EBF3: variants seen among roughly 807,000 people sequenced by gnomAD.
The protein encoded by EBF3 is EBF transcription factor 3.
A neutral mutation model predicts 77.1 loss-of-function variants in EBF3; 18 were observed. That is an observed-to-expected ratio of 0.23 (90% CI 0.16 to 0.35). The LOEUF is 0.35. EBF3 is among the 10% of genes least tolerant of loss of function. The pLI is 1.00. For synonymous variants in EBF3, 350 were observed against 343.5 expected (o/e 1.02, Z -0.21); for missense variants, 558 against 860.0 (o/e 0.65, Z 4.39).
intron 6 of EBF3, among the ~76,000 whole-genome samples, chr10:129,911,952 C>T (rs1363451253): frequency 2.0e-5 from 3 of 152,168 alleles, no homozygotes; most frequent in Admixed American, 6.5e-5. Flanking sequence ...CCCAGAGCAA[C>T]GCACGGCCCA....
intron 11 of EBF3, among the ~76,000 whole-genome samples, chr10:129,846,954 C>T (rs1332787667): frequency 3.9e-5 from 6 of 152,072 alleles, no homozygotes; most frequent in Admixed American, 3.9e-4. Context: ...GGCTGGTAGG[C>T]TTCCCAGGGG....
At chr10:129,921,135 C>A (rs1856269569) in intron 6 of EBF3, among the ~76,000 whole-genome samples, 1 of 152,148 alleles carries the variant, frequency 6.6e-6, no homozygotes, top group Non-Finnish European at 1.5e-5. Flanking sequence ...TGAGCGGGAA[C>A]CAACTGGGAA....
intron 6 of EBF3, among the ~76,000 whole-genome samples, chr10:129,951,490 G>A (rs1192306471): frequency 1.3e-5 from 2 of 152,376 alleles, no homozygotes; most frequent in African/African-American, 2.4e-5. Flanking sequence ...GCAACACCAC[G>A]AGGTTTTCAC....
chr10:129,963,023 T>A lies in EBF3; in HGVS notation c.292-18A>T, dbSNP rs1311497146. On this transcript the variant is annotated intron_variant, in intron 2 of 16. Transcript: ENST00000440978. This position sits in a 1 kb window ranked among gnomAD's most constrained non-coding sequence, Gnocchi z 7.1. ...TTTGGCTCCTGAAAGTAACGATAAA[T>A]AATTGCATTTAGTGCGATCGGTGTC... 5.0e-6 allele frequency: 8 copies of A among 1,614,010 alleles called. 1 individual carries two copies. The highest frequency in any genetic ancestry group is 6.8e-6 in the Non-Finnish European group (8 of 1,180,002).
chr10:129,894,356 G>T (rs1036840151), intron 6 of EBF3, among the ~76,000 whole-genome samples: 1 of 152,184 alleles, frequency 6.6e-6, no homozygotes, highest in African/African-American at 2.4e-5. Context: ...CACAACGAGG[G>T]CTGAGGACTC....
intron 3 of EBF3, 108 bp from the exon 4 acceptor site, chr10:129,962,334 C>G: frequency 1.0e-6 from 1 of 959,366 alleles, no homozygotes; most frequent in Non-Finnish European, 1.7e-6. Flanking sequence ...CACGGTGATG[C>G]AGCAGAACTT....
chr10:129,963,371 T>A lies in EBF3; in HGVS notation c.287A>T (p.Glu96Val), dbSNP rs1859684728. 1 of 1,582,892 alleles carries A rather than the reference T, an allele frequency of 6.3e-7. No individual in the cohort carries two copies. The highest frequency in any genetic ancestry group is 8.6e-7 in the Non-Finnish European group (1 of 1,165,086). ...RTAFVDFVEK[E>V]KEPNNEKTNN... ...TGATCGTGTGTTTGCACTTACTTTC[T>A]CTTTCTCCACAAAGTCCACAAAAGC... Residue 96 changes from glutamate (E) to valine (V), a missense_variant, in exon 2 of 17, where the codon GAG becomes GTG. By Grantham distance (121) the Glu-to-Val change is moderately radical (BLOSUM62 -2). Transcript: ENST00000440978. This position sits in a 1 kb window ranked among gnomAD's most constrained non-coding sequence, Gnocchi z 7.1.
chr10:129,871,702 T>C (rs1445979900), intron 8 of EBF3, among the ~76,000 whole-genome samples: 1 of 152,236 alleles, frequency 6.6e-6, no homozygotes, highest in East Asian at 1.9e-4. Flanking sequence ...CATTTTTTTC[T>C]AGGGCACTTG....
At chr10:129,961,300 C>T (rs1288165305) in intron 4 of EBF3, among the ~76,000 whole-genome samples, 2 of 152,112 alleles carry the variant, frequency 1.3e-5, no homozygotes, top group Non-Finnish European at 2.9e-5. Flanking sequence ...ACTGGACCTG[C>T]CCCCCTCCCC....
In EBF3 at chr10:129,963,046, G is replaced by A; in HGVS notation, c.292-41C>T. 1 of 1,612,604 alleles carries A rather than the reference G, an allele frequency of 6.2e-7. No individual in the cohort carries two copies. Among genetic ancestry groups the A allele is most frequent in the South Asian group, 1.1e-5 (1 of 91,044 alleles). On this transcript the variant is annotated intron_variant, in intron 2 of 16. Transcript: ENST00000440978. This position sits in a 1 kb window ranked among gnomAD's most constrained non-coding sequence, Gnocchi z 7.1. ...AATAATTGCATTTAGTGCGATCGGT[G>A]TCAGGCGCGGCCACCACGCTCGGTC...
intron 10 of EBF3, among the ~76,000 whole-genome samples, chr10:129,850,107 C>T (rs145569291): frequency 6.6e-6 from 1 of 152,358 alleles, no homozygotes; most frequent in Non-Finnish European, 1.5e-5. Context: ...ATTACCTTTC[C>T]TGAACAGGGA....
intron 6 of EBF3, among the ~76,000 whole-genome samples, chr10:129,918,671 T>C (rs1432901511): frequency 6.6e-6 from 1 of 152,160 alleles, no homozygotes; most frequent in East Asian, 1.9e-4. Context: ...CCCAGGGGCC[T>C]ACAGGTCAGA....
rs111227355 is a variant in EBF3 at position 129,885,429 on chromosome 10, GTT to G, written c.555-7582_555-7581del. Among the ~76,000 whole-genome samples the G allele has an allele frequency of 5.6e-4, 85 of 152,308 alleles. No individual in the cohort carries two copies. The highest frequency in any genetic ancestry group is 2.0e-3 in the African/African-American group (85 of 41,578). On this transcript the variant is annotated intron_variant, in intron 6 of 16. Coordinates refer to ENST00000440978, the MANE Select transcript of EBF3 (RefSeq NM_001375380.1). This position sits in a 1 kb window ranked among gnomAD's most constrained non-coding sequence, Gnocchi z 4.0. ...CCACCCCACTCCGCCCGCTGTCAGT[GTT>G]CTAGTTAGTATTTTCTGCAACTGCT...
Position 129,944,969 on chromosome 10 carries a change from T to C in EBF3, c.554+12289A>G, listed in dbSNP as rs1858065186. 6.7e-6 allele frequency among the ~76,000 whole-genome samples: 1 copy of C among 149,264 alleles called. No homozygotes were observed. Among genetic ancestry groups the C allele is most frequent in the African/African-American group, 2.5e-5 (1 of 40,240 alleles). On this transcript the variant is annotated intron_variant, in intron 6 of 16. Transcript: ENST00000440978. This position sits in a 1 kb window ranked among gnomAD's most constrained non-coding sequence, Gnocchi z 5.1. ...AACTGTACTTGACATTTATGTACCA[T>C]GATGCATTTCTTGGTAAACTGATTT... is the stretch of plus-strand genomic sequence containing the variant.
intron 6 of EBF3, among the ~76,000 whole-genome samples, chr10:129,902,869 C>T (rs572044965): frequency 1.3e-5 from 2 of 152,346 alleles, no homozygotes; most frequent in African/African-American, 4.8e-5. Context: ...TGCTCTGAGC[C>T]AGCTTCCGCC....
intron 7 of EBF3, among the ~76,000 whole-genome samples, chr10:129,873,841 C>T (rs1852575112): frequency 6.6e-6 from 1 of 152,232 alleles, no homozygotes; most frequent in Non-Finnish European, 1.5e-5. Context: ...ACAGTTTAAT[C>T]TCCTATTATG....
At position 129,963,039 on chromosome 10, in the gene EBF3, G is replaced by A; in HGVS notation, c.292-34C>T. On this transcript the variant is annotated intron_variant, in intron 2 of 16. Coordinates refer to ENST00000440978, the MANE Select transcript of EBF3 (RefSeq NM_001375380.1). This position sits in a 1 kb window ranked among gnomAD's most constrained non-coding sequence, Gnocchi z 7.1. ...AACGATAAATAATTGCATTTAGTGC[G>A]ATCGGTGTCAGGCGCGGCCACCACG... 3 of 1,613,420 alleles carry A rather than the reference G, an allele frequency of 1.9e-6. No individual in the cohort carries two copies. The South Asian group carries it at 3.3e-5, about 18-fold the overall frequency.
At position 129,963,194 on chromosome 10, in the gene EBF3, G is replaced by A; in HGVS notation, c.291+173C>T. On this transcript the variant is annotated intron_variant, in intron 2 of 16. Coordinates refer to ENST00000440978, the MANE Select transcript of EBF3 (RefSeq NM_001375380.1). This position sits in a 1 kb window ranked among gnomAD's most constrained non-coding sequence, Gnocchi z 7.1. ...CCTCGCCCCGAGTAAGTCCGAGGGC[G>A]CAGAGAAGTTGCCCAGCCCTCGGCG... 1.7e-6 allele frequency: 2 copies of A among 1,150,662 alleles called. No individual in the cohort carries two copies. Among genetic ancestry groups the A allele is most frequent in the African/African-American group, 1.6e-5 (1 of 62,726 alleles). 71.3% of individuals were successfully genotyped at this position (1,150,662 alleles called of 1,614,324 possible). A position where few individuals can be genotyped will look rare whatever the true frequency, so the allele number is the denominator to read the frequency against.
intron 11 of EBF3, among the ~76,000 whole-genome samples, chr10:129,846,108 T>TTGTG (rs10530522): frequency 0.069 from 9,567 of 139,468 alleles, 368 homozygotes; most frequent in Non-Finnish European, 0.08. Flanking sequence ...ATTCTGGGCT[T>TTGTG]TGTGTGTGTG....
Sources: allele counts gnomAD v4.1 joint callset (sites outside exome capture counted in the v4.1 genomes callset), GRCh38; gene constraint gnomAD v4.1.1; non-coding constraint Gnocchi (gnomAD v3.1); transcripts MANE v1.5; gene names NCBI Gene and HGNC (gene_info 2026-07-23, HGNC 2026-07-21).